The following CRPPA variants were observed in gnomAD, a reference collection of about 807,000 sequenced individuals.
CRPPA encodes the protein D-ribitol-5-phosphate cytidylyltransferase.
In CRPPA, 43 loss-of-function variants were observed where a neutral mutation model predicts 52.0. That is an observed-to-expected ratio of 0.83 (90% CI 0.65 to 1.07). CRPPA has a LOEUF of 1.07. Ranked by LOEUF, CRPPA falls within the 50% of genes least tolerant of loss-of-function variation. The pLI is 0.00. For synonymous variants in CRPPA, 250 were observed against 203.5 expected (o/e 1.23, Z -1.94); for missense variants, 629 against 551.7 (o/e 1.14, Z -1.40).
Position 16,089,657 on chromosome 7 carries a change from A to G in CRPPA, c.*2038T>C, listed in dbSNP as rs1380510287. ...TGTATTTTTTTTTCCCAATGCTGTGAATTGCTTTGCCTGCTATGAAGGACC... is the reference window on the plus strand; with the variant it reads ...TGTATTTTTTTTTCCCAATGCTGTGGATTGCTTTGCCTGCTATGAAGGACC... On this transcript the variant is annotated 3_prime_UTR_variant, in exon 10 of 10. Coordinates refer to ENST00000407010, the MANE Select transcript of CRPPA (RefSeq NM_001101426.4). 9.9e-6 allele frequency: 2 copies of G among 201,266 alleles called. No homozygotes were observed. The highest frequency in any genetic ancestry group is 2.2e-5 in the Non-Finnish European group (2 of 92,414). 12.5% of individuals were successfully genotyped at this position (201,266 alleles called of 1,614,324 possible).
chr7:16,396,447 G>A (rs1261471517), intron 2 of CRPPA, among the ~76,000 whole-genome samples: 1 of 152,080 alleles, frequency 6.6e-6, no homozygotes, highest in Admixed American at 6.5e-5. Flanking sequence ...TGCTAAAAAC[G>A]GAACACTTCT....
intron 9 of CRPPA, among the ~76,000 whole-genome samples, chr7:16,199,240 C>T (rs371058645): frequency 1.3e-5 from 2 of 152,184 alleles, no homozygotes; most frequent in East Asian, 3.9e-4. Context: ...CTTCATGCTC[C>T]CTTAAAAATG....
At chr7:16,383,179 G>T (rs1787159107) in intron 2 of CRPPA, among the ~76,000 whole-genome samples, 2 of 152,114 alleles carry the variant, frequency 1.3e-5, no homozygotes, top group African/African-American at 2.4e-5. Flanking sequence ...TGGTGTGGAT[G>T]TCCTTTCTGT....
intron 5 of CRPPA, among the ~76,000 whole-genome samples, chr7:16,282,957 A>G (rs1583490432): frequency 6.6e-6 from 1 of 152,152 alleles, no homozygotes; most frequent in East Asian, 1.9e-4. Context: ...ATCATCATCA[A>G]TTTCAACTGG....
At chr7:16,348,598 C>T (rs1786072684) in intron 3 of CRPPA, among the ~76,000 whole-genome samples, 1 of 152,210 alleles carries the variant, frequency 6.6e-6, no homozygotes, top group African/African-American at 2.4e-5. Flanking sequence ...AATATAAGGG[C>T]TACGCCCTTT....
intron 5 of CRPPA, among the ~76,000 whole-genome samples, chr7:16,292,232 A>G (rs1784578456): frequency 6.6e-6 from 1 of 151,962 alleles, no homozygotes; most frequent in South Asian, 2.1e-4. Context: ...TCACTGGTCC[A>G]CAATGTACTA....
intron 9 of CRPPA, among the ~76,000 whole-genome samples, chr7:16,140,916 G>C (rs1234980176): frequency 2.6e-5 from 4 of 152,146 alleles, no homozygotes; most frequent in Admixed American, 6.5e-5. Flanking sequence ...GATAAGCATG[G>C]AACATTTCAT....
At chr7:16,396,857 AGAT>A (rs1787589658) in intron 2 of CRPPA, among the ~76,000 whole-genome samples, 1 of 152,258 alleles carries the variant, frequency 6.6e-6, no homozygotes, top group Non-Finnish European at 1.5e-5. Flanking sequence ...ACGTAATGGA[AGAT>A]GACACATGAC....
At chr7:16,147,537 T>A (rs1782998085) in intron 9 of CRPPA, among the ~76,000 whole-genome samples, 1 of 152,206 alleles carries the variant, frequency 6.6e-6, no homozygotes, top group Admixed American at 6.5e-5. Flanking sequence ...TTATCTTTGT[T>A]CAATAAGTAA....
chr7:16,202,891 T>C (rs1781890539), intron 9 of CRPPA, among the ~76,000 whole-genome samples: 1 of 152,218 alleles, frequency 6.6e-6, no homozygotes, highest in African/African-American at 2.4e-5. Flanking sequence ...GTCTATGATG[T>C]GACCCACCCT....
chr7:16,329,841 T>C (rs959920688), intron 3 of CRPPA, among the ~76,000 whole-genome samples: 2 of 152,150 alleles, frequency 1.3e-5, no homozygotes, highest in African/African-American at 2.4e-5. Flanking sequence ...AGGAAAAGAA[T>C]AGAGGAACCA....
intron 3 of CRPPA, among the ~76,000 whole-genome samples, chr7:16,357,960 G>T (rs1388687869): frequency 6.6e-6 from 1 of 152,196 alleles, no homozygotes; most frequent in Non-Finnish European, 1.5e-5. Context: ...GTCCCCGAAT[G>T]GATGGCCAAG....
intron 4 of CRPPA, among the ~76,000 whole-genome samples, chr7:16,302,295 CAAAAAAAA>C (rs34666735): frequency 3.9e-4 from 21 of 53,378 alleles, no homozygotes; most frequent in East Asian, 1.4e-3. Flanking sequence ...GACTCTGTCT[CAAAAAAAA>C]AAAAAAAAAA....
At chr7:16,151,095 C>G (rs1783068384) in intron 9 of CRPPA, among the ~76,000 whole-genome samples, 1 of 152,114 alleles carries the variant, frequency 6.6e-6, no homozygotes, top group Non-Finnish European at 1.5e-5. Flanking sequence ...GTTTCTTTGT[C>G]AGAATTTTGT....
chr7:16,243,105 C>T (rs1039061720), intron 8 of CRPPA, among the ~76,000 whole-genome samples: 3 of 152,114 alleles, frequency 2.0e-5, no homozygotes, highest in Non-Finnish European at 4.4e-5. Context: ...GGGAGGGAGG[C>T]AATTGAAACA....
At chr7:16,307,210 T>C (rs1213198534) in intron 4 of CRPPA, among the ~76,000 whole-genome samples, 1 of 152,226 alleles carries the variant, frequency 6.6e-6, no homozygotes, top group Non-Finnish European at 1.5e-5. Flanking sequence ...TTCAAGATTA[T>C]GAAATAATCT....
At chr7:16,408,144 C>G (rs567353706) in intron 1 of CRPPA, among the ~76,000 whole-genome samples, 1 of 150,832 alleles carries the variant, frequency 6.6e-6, no homozygotes, top group African/African-American at 2.4e-5. Flanking sequence ...TTATCAGCAT[C>G]GAGGATACAA....
intron 9 of CRPPA, among the ~76,000 whole-genome samples, chr7:16,195,351 C>G (rs971929560): frequency 6.6e-6 from 1 of 152,072 alleles, no homozygotes; most frequent in Non-Finnish European, 1.5e-5. Context: ...AGTTGACTCA[C>G]TCTCTTAATA....
chr7:16,115,269 G>C (rs1376619993), intron 9 of CRPPA, among the ~76,000 whole-genome samples: 1 of 152,038 alleles, frequency 6.6e-6, no homozygotes, highest in Non-Finnish European at 1.5e-5. Context: ...TAAGAGATAT[G>C]GGTTAGCAAT....
Sources: gnomAD v4.1 joint callset for allele counts (sites outside exome capture counted in the v4.1 genomes callset) on GRCh38, gnomAD v4.1.1 for gene constraint, MANE v1.5 for transcripts, NCBI Gene and HGNC (gene_info 2026-07-23, HGNC 2026-07-21) for gene names.